Variants in OPCML observed in about 807,000 individuals in gnomAD.
OPCML encodes the protein opioid-binding protein/cell adhesion molecule.
In OPCML, 13 loss-of-function variants were observed where a neutral mutation model predicts 37.8. The observed-to-expected ratio is 0.34, with a 90% CI of 0.22 to 0.55. The LOEUF (loss-of-function observed/expected upper bound fraction) is 0.55, where lower values mean the gene tolerates loss of function less well. OPCML is among the 20% of genes least tolerant of loss of function. The pLI, the probability that OPCML is intolerant of heterozygous loss-of-function variation, is 0.91. For synonymous variants in OPCML, 176 were observed against 168.8 expected, an observed-to-expected ratio of 1.04 and a Z score of -0.33; for missense variants, 341 against 435.6, an observed-to-expected ratio of 0.78 and a Z score of 1.93.
chr11:133,116,744 T>C (rs1401084167), intron 1 of OPCML, among the ~76,000 whole-genome samples: 1 of 151,372 alleles, frequency 6.6e-6, no homozygotes, highest in Non-Finnish European at 1.5e-5. Flanking sequence ...TATACCAAGT[T>C]ACTATTCATT....
At chr11:132,710,525 A>G (rs1423008223) in intron 2 of OPCML, among the ~76,000 whole-genome samples, 2 of 152,208 alleles carry the variant, frequency 1.3e-5, no homozygotes, top group African/African-American at 2.4e-5. Flanking sequence ...ATTGCCTATT[A>G]GTTGTCAAAT....
At chr11:132,886,351 G>T (rs1415102535) in intron 2 of OPCML, among the ~76,000 whole-genome samples, 1 of 152,206 alleles carries the variant, frequency 6.6e-6, no homozygotes. Context: ...GCCTGGGTGG[G>T]GGCGGCTTGC....
chr11:132,532,160 G>T (rs560442903), intron 3 of OPCML, among the ~76,000 whole-genome samples: 1 of 152,262 alleles, frequency 6.6e-6, no homozygotes, highest in East Asian at 1.9e-4. Context: ...TTGCTCAGGC[G>T]CTCAGTCAAT....
intron 1 of OPCML, among the ~76,000 whole-genome samples, chr11:132,964,609 C>A (rs1946171981): frequency 6.6e-6 from 1 of 152,138 alleles, no homozygotes; most frequent in South Asian, 2.1e-4. Flanking sequence ...AACCTGCTCA[C>A]CAGTCCTCCC....
chr11:132,640,637 G>C (rs768339188), intron 3 of OPCML, among the ~76,000 whole-genome samples: 46 of 152,176 alleles, frequency 3.0e-4, no homozygotes, highest in Non-Finnish European at 4.4e-4. Context: ...TGTTCATATA[G>C]AGGGAAAGAC....
At chr11:133,366,555 C>T (rs1284108617) in intron 1 of OPCML, among the ~76,000 whole-genome samples, 1 of 152,176 alleles carries the variant, frequency 6.6e-6, no homozygotes, top group Non-Finnish European at 1.5e-5. Context: ...CTTCCTCTTC[C>T]CTTGATCTCC....
At chr11:132,950,366 G>A (rs1021860162) in intron 1 of OPCML, among the ~76,000 whole-genome samples, 4 of 152,148 alleles carry the variant, frequency 2.6e-5, no homozygotes, top group African/African-American at 9.7e-5. Context: ...TGAGATTGGG[G>A]ATTGAGAAAA....
At chr11:133,189,950 A>G (rs1006313359) in intron 1 of OPCML, among the ~76,000 whole-genome samples, 1 of 152,234 alleles carries the variant, frequency 6.6e-6, no homozygotes, top group Admixed American at 6.5e-5. Flanking sequence ...AACAGATTCC[A>G]CACAGATGCT....
chr11:133,327,089 T>C (rs1046646803), intron 1 of OPCML, among the ~76,000 whole-genome samples: 25 of 98,336 alleles, frequency 2.5e-4, no homozygotes, highest in Non-Finnish European at 4.6e-4. Flanking sequence ...AGATGGGGTA[T>C]GTGGTGGTGT....
intron 2 of OPCML, among the ~76,000 whole-genome samples, chr11:132,681,946 T>C (rs1942963599): frequency 6.7e-6 from 1 of 149,804 alleles, no homozygotes; most frequent in Admixed American, 6.6e-5. Flanking sequence ...CAGAGAGAGA[T>C]TCCGTCTCAA....
chr11:132,909,703 G>C (rs1944359905), intron 2 of OPCML, among the ~76,000 whole-genome samples: 1 of 152,202 alleles, frequency 6.6e-6, no homozygotes, highest in African/African-American at 2.4e-5. Flanking sequence ...TGAACAGAAA[G>C]CTTTGGGGCC....
intron 1 of OPCML, among the ~76,000 whole-genome samples, chr11:132,969,202 T>C (rs1454926998): frequency 6.6e-6 from 1 of 151,394 alleles, no homozygotes; most frequent in Non-Finnish European, 1.5e-5. Context: ...TGGTAAACTA[T>C]TTTTGATTGA....
chr11:132,442,421 T>A (rs187186589), intron 4 of OPCML, among the ~76,000 whole-genome samples: 1 of 152,220 alleles, frequency 6.6e-6, no homozygotes, highest in Non-Finnish European at 1.5e-5. Flanking sequence ...CAATCTTGCA[T>A]CCAATTTTCC....
intron 1 of OPCML, among the ~76,000 whole-genome samples, chr11:133,368,045 C>T (rs1278567114): frequency 6.6e-6 from 1 of 152,220 alleles, no homozygotes. Context: ...AGAACTTAGG[C>T]AGTCCTTGGA....
At chr11:133,003,716 A>T in intron 1 of OPCML, 4 of 985,442 alleles carry the variant, frequency 4.1e-6, no homozygotes, top group Non-Finnish European at 4.8e-6. Context: ...TAAAGTCCCT[A>T]CTTCTTGAAT....
At chr11:132,850,859 A>ATTGACAG (rs1169095296) in intron 2 of OPCML, among the ~76,000 whole-genome samples, 3 of 152,180 alleles carry the variant, frequency 2.0e-5, no homozygotes, top group Non-Finnish European at 4.4e-5. Flanking sequence ...TCATCAAACA[A>ATTGACAG]TTGACAGTTT....
chr11:132,797,822 TGAA>T (rs1415382812), intron 2 of OPCML, among the ~76,000 whole-genome samples: 1 of 152,254 alleles, frequency 6.6e-6, no homozygotes, highest in Non-Finnish European at 1.5e-5. Flanking sequence ...TTTTTGCTGA[TGAA>T]GAGTCTTTCA....
At chr11:133,222,579 T>C (rs1379490885) in intron 1 of OPCML, among the ~76,000 whole-genome samples, 2 of 152,046 alleles carry the variant, frequency 1.3e-5, no homozygotes, top group Non-Finnish European at 2.9e-5. Context: ...TTCCAGCACT[T>C]AAGGATATAA....
rs530184724 is a variant in OPCML, at chr11:133,408,557, C to A, written c.61+123707G>T. On this transcript the variant is annotated intron_variant, in intron 1 of 7. Coordinates refer to ENST00000524381, the MANE Select transcript of OPCML (RefSeq NM_001012393.5). ...TATTCTAGTTCAGGGTCACAGGTGG[C>A]TGGAGCATCTCCCAGCAGCTCAGGG... Among the ~76,000 whole-genome samples the A allele has an allele frequency of 2.6e-5, 4 of 152,210 alleles. No individual in the cohort carries two copies. The South Asian group carries it at 8.3e-4, about 32-fold the overall frequency.
Sources: allele counts gnomAD v4.1 joint callset (sites outside exome capture counted in the v4.1 genomes callset), GRCh38; gene constraint gnomAD v4.1.1; transcripts MANE v1.5; gene names NCBI Gene and HGNC (gene_info 2026-07-23, HGNC 2026-07-21).